Variants in KPNA3 observed in about 807,000 individuals in gnomAD.
KPNA3 encodes importin subunit alpha-4.
KPNA3 carries 13 observed loss-of-function variants against 73.8 expected under a neutral mutation model. The observed-to-expected ratio is 0.18, with a 90% CI of 0.11 to 0.28. The LOEUF is 0.28. KPNA3 is among the 10% of genes least tolerant of loss of function. The pLI is 1.00. For synonymous variants in KPNA3, 186 were observed against 206.9 expected (o/e 0.90, Z 0.87); for missense variants, 360 against 618.1 (o/e 0.58, Z 4.43).
At chr13:49,771,941 T>C (rs1356174234) in intron 1 of KPNA3, among the ~76,000 whole-genome samples, 4 of 152,192 alleles carry the variant, frequency 2.6e-5, no homozygotes. Context: ...TAGGCATGTA[T>C]AGGCCACCAC....
At chr13:49,778,061 T>C (rs1954911613) in intron 1 of KPNA3, among the ~76,000 whole-genome samples, 2 of 152,186 alleles carry the variant, frequency 1.3e-5, no homozygotes, top group Non-Finnish European at 2.9e-5. Flanking sequence ...TCTTACCTTT[T>C]AGGCATACAT....
intron 1 of KPNA3, among the ~76,000 whole-genome samples, chr13:49,755,683 C>T (rs996176693): frequency 5.9e-5 from 9 of 152,028 alleles, no homozygotes; most frequent in Admixed American, 1.3e-4. Context: ...CCCAGCTACT[C>T]GGGAGGCTGA....
At chr13:49,713,634 AACACACACAC>A (rs66994650) in intron 10 of KPNA3, among the ~76,000 whole-genome samples, 45 of 140,922 alleles carry the variant, frequency 3.2e-4, no homozygotes, top group East Asian at 6.7e-4. Flanking sequence ...TCTTAGGTGA[AACACACACAC>A]ACACACACAC....
chr13:49,709,995 C>T (rs1220133304), intron 11 of KPNA3, among the ~76,000 whole-genome samples: 1 of 152,130 alleles, frequency 6.6e-6, no homozygotes, highest in African/African-American at 2.4e-5. Context: ...GGCATGGTGG[C>T]TCATGCCTAT....
At chr13:49,770,461 C>T (rs1007352774) in intron 1 of KPNA3, among the ~76,000 whole-genome samples, 2 of 151,916 alleles carry the variant, frequency 1.3e-5, no homozygotes, top group Non-Finnish European at 2.9e-5. Flanking sequence ...CAGGTGTGAG[C>T]GAGCCACTAT....
chr13:49,759,186 C>T (rs1200532868), intron 1 of KPNA3, among the ~76,000 whole-genome samples: 1 of 152,126 alleles, frequency 6.6e-6, no homozygotes, highest in African/African-American at 2.4e-5. Flanking sequence ...ATTGTCATCA[C>T]TGAAGGATGA....
At chr13:49,731,717 C>T (rs1243096617) in intron 6 of KPNA3, among the ~76,000 whole-genome samples, 1 of 152,112 alleles carries the variant, frequency 6.6e-6, no homozygotes, top group East Asian at 1.9e-4. Flanking sequence ...TATATTCTCC[C>T]CAGTTAATCC....
intron 1 of KPNA3, among the ~76,000 whole-genome samples, chr13:49,784,133 T>C (rs989893736): frequency 6.6e-6 from 1 of 152,132 alleles, no homozygotes; most frequent in Non-Finnish European, 1.5e-5. Context: ...CCTGTAGTCC[T>C]AGCTACTCAA....
At chr13:49,704,434 A>AT (rs1458073351) in intron 15 of KPNA3, among the ~76,000 whole-genome samples, 3 of 130,960 alleles carry the variant, frequency 2.3e-5, no homozygotes, top group South Asian at 2.7e-4. Flanking sequence ...AAATAAATAA[A>AT]AAATAAATAA....
chr13:49,731,080 G>A lies in KPNA3; in HGVS notation c.383+1291C>T, dbSNP rs1051841424. Reference sequence around the variant, plus strand: ...CAGGTGTGAGCCACTGCACCCAGCCGAATTTATTTTTTGAGTCAGGGTCTT... The same window carrying A: ...CAGGTGTGAGCCACTGCACCCAGCCAAATTTATTTTTTGAGTCAGGGTCTT... On this transcript the variant is annotated intron_variant, in intron 6 of 16. Transcript: ENST00000261667. Among the ~76,000 whole-genome samples, 7 of 143,602 alleles carry A rather than the reference G, an allele frequency of 4.9e-5. No homozygotes were observed. In the East Asian group the frequency reaches 6.4e-4, roughly 13 times the overall value. 94.2% of individuals were successfully genotyped at this position (143,602 alleles called of 152,430 possible).
At chr13:49,711,093 G>A in intron 10 of KPNA3, 71 bp from the exon 11 acceptor site, 1 of 1,415,114 alleles carries the variant, frequency 7.1e-7, no homozygotes, top group South Asian at 1.4e-5. Context: ...ACACACCTCA[G>A]GAGTAGTGAC....
chr13:49,746,575 C>A (rs115713830), intron 2 of KPNA3, among the ~76,000 whole-genome samples: 4,155 of 152,304 alleles, frequency 0.027, 185 homozygotes, highest in African/African-American at 0.094. Flanking sequence ...ATAGCAGTTG[C>A]TTTCAGTTGG....
chr13:49,711,786 A>T (rs76153925), intron 10 of KPNA3, among the ~76,000 whole-genome samples: 1,837 of 152,322 alleles, frequency 0.012, 33 homozygotes, highest in African/African-American at 0.042. Context: ...AATTGAAGAC[A>T]TCACATCTTT....
chr13:49,786,758 G>A (rs1954985800), intron 1 of KPNA3, among the ~76,000 whole-genome samples: 1 of 152,210 alleles, frequency 6.6e-6, no homozygotes, highest in African/African-American at 2.4e-5. Flanking sequence ...GGTAAAAAAG[G>A]TAAGGTCTTA....
At chr13:49,771,396 T>G (rs114890654) in intron 1 of KPNA3, among the ~76,000 whole-genome samples, 1 of 152,228 alleles carries the variant, frequency 6.6e-6, no homozygotes. Flanking sequence ...AAATAAGTCT[T>G]ACACTTTTGC....
intron 10 of KPNA3, among the ~76,000 whole-genome samples, chr13:49,718,841 C>T (rs1954329049): frequency 6.6e-6 from 1 of 152,072 alleles, no homozygotes. Flanking sequence ...TTTTTATATA[C>T]AAATTATATT....
intron 1 of KPNA3, among the ~76,000 whole-genome samples, chr13:49,787,742 C>G (rs1954996005): frequency 6.8e-6 from 1 of 146,798 alleles, no homozygotes; most frequent in Admixed American, 7.0e-5. Flanking sequence ...TGCAGTGGTG[C>G]GATCTTGACT....
At chr13:49,704,886 T>C (rs1954191563) in intron 15 of KPNA3, among the ~76,000 whole-genome samples, 1 of 152,194 alleles carries the variant, frequency 6.6e-6, no homozygotes, top group African/African-American at 2.4e-5. Context: ...TGAAATAATA[T>C]TTCCTAAAGT....
intron 1 of KPNA3, among the ~76,000 whole-genome samples, chr13:49,755,026 A>T (rs1415861289): frequency 1.3e-5 from 2 of 152,130 alleles, no homozygotes; most frequent in Admixed American, 1.3e-4. Context: ...GAAGCTAATT[A>T]CAAAATTACC....
Sources: gnomAD v4.1 joint callset for allele counts (sites outside exome capture counted in the v4.1 genomes callset) on GRCh38, gnomAD v4.1.1 for gene constraint, MANE v1.5 for transcripts, NCBI Gene and HGNC (gene_info 2026-07-23, HGNC 2026-07-21) for gene names.